Variants in SGCZ observed in about 807,000 individuals in gnomAD.
SGCZ encodes the protein sarcoglycan zeta.
SGCZ carries 40 observed loss-of-function variants against 41.3 expected under a neutral mutation model. That is an observed-to-expected ratio of 0.97 (90% confidence interval 0.75 to 1.26). SGCZ has a LOEUF of 1.26. Ranked by LOEUF, SGCZ falls within the 50% of genes most tolerant of loss-of-function variation. The probability of loss-of-function intolerance (pLI) is 0.00; values close to 1 mark genes in which losing one functional copy is unlikely to be tolerated. For synonymous variants in SGCZ, 206 were observed against 137.5 expected (o/e 1.50, Z -3.49); for missense variants, 552 against 369.8 (o/e 1.49, Z -4.04).
Position 14,468,333 on chromosome 8 carries a change from G to C in SGCZ, c.234+86399C>G, listed in dbSNP as rs141208066. Among the ~76,000 whole-genome samples, 3 of 152,042 alleles carry C rather than the reference G, an allele frequency of 2.0e-5. No individual in the cohort carries two copies. In the East Asian group the frequency reaches 5.8e-4, roughly 29 times the overall value. On this transcript the variant is annotated intron_variant, in intron 2 of 7. Transcript: ENST00000382080. The stretch of plus-strand genomic sequence containing the variant: ...ATGAAAATGACTACCCTTATCTTTA[G>C]AGCACAAGCATAAAGAAGTAAACTT...
intron 1 of SGCZ, among the ~76,000 whole-genome samples, chr8:15,018,863 G>C (rs1372169309): frequency 6.6e-6 from 1 of 152,194 alleles, no homozygotes; most frequent in Non-Finnish European, 1.5e-5. Context: ...GAGATCTCAG[G>C]AAACTTACAA....
At chr8:14,202,737 T>C (rs532366291) in intron 4 of SGCZ, among the ~76,000 whole-genome samples, 36 of 152,282 alleles carry the variant, frequency 2.4e-4, no homozygotes, top group African/African-American at 7.9e-4. Context: ...TGTGGGTGTT[T>C]ACAAAGTCAT....
chr8:14,246,816 A>T (rs1408086382), intron 3 of SGCZ, among the ~76,000 whole-genome samples: 1 of 148,762 alleles, frequency 6.7e-6, no homozygotes, highest in African/African-American at 2.5e-5. Flanking sequence ...AGGCTGAGGC[A>T]GTAGAATGGC....
chr8:15,023,950 G>T (rs1486315128), intron 1 of SGCZ, among the ~76,000 whole-genome samples: 1 of 152,190 alleles, frequency 6.6e-6, no homozygotes, highest in Non-Finnish European at 1.5e-5. Flanking sequence ...CAGTTAAATA[G>T]AAGATTATGG....
At chr8:14,422,381 T>C (rs1390088399) in intron 2 of SGCZ, among the ~76,000 whole-genome samples, 3 of 152,216 alleles carry the variant, frequency 2.0e-5, no homozygotes, top group Non-Finnish European at 4.4e-5. Context: ...GCTGACTTGA[T>C]AGACAAGACT....
chr8:14,257,403 G>T (rs1457840225), intron 3 of SGCZ, among the ~76,000 whole-genome samples: 1 of 151,378 alleles, frequency 6.6e-6, no homozygotes, highest in African/African-American at 2.4e-5. Context: ...ACCTAAACAG[G>T]TTTCCTCTTT....
chr8:14,699,959 T>C (rs1016920783), intron 1 of SGCZ, among the ~76,000 whole-genome samples: 1 of 151,942 alleles, frequency 6.6e-6, no homozygotes, highest in Non-Finnish European at 1.5e-5. Context: ...ACATAGCAGA[T>C]GTTGGCGAGG....
chr8:14,232,574 T>A (rs948073332), intron 4 of SGCZ, among the ~76,000 whole-genome samples: 5 of 151,980 alleles, frequency 3.3e-5, no homozygotes, highest in Non-Finnish European at 7.4e-5. Flanking sequence ...TACAATTTGG[T>A]TATGCCACTG....
intron 1 of SGCZ, among the ~76,000 whole-genome samples, chr8:14,923,024 T>G (rs901910229): frequency 2.0e-5 from 3 of 152,240 alleles, no homozygotes; most frequent in African/African-American, 7.2e-5. Flanking sequence ...TTGCCTTTGT[T>G]TTGCACACAT....
At chr8:14,383,778 C>G (rs926121758) in intron 2 of SGCZ, among the ~76,000 whole-genome samples, 2 of 152,118 alleles carry the variant, frequency 1.3e-5, no homozygotes, top group Admixed American at 1.3e-4. Context: ...GTTGTAAGAT[C>G]AGGGACTGTA....
chr8:14,313,066 A>G (rs887146217), intron 3 of SGCZ, among the ~76,000 whole-genome samples: 3 of 152,156 alleles, frequency 2.0e-5, no homozygotes, highest in South Asian at 2.1e-4. Flanking sequence ...ACGTTTTTTC[A>G]TGATACTCAG....
At chr8:14,645,551 G>A (rs1563175748) in intron 1 of SGCZ, among the ~76,000 whole-genome samples, 1 of 144,482 alleles carries the variant, frequency 6.9e-6, no homozygotes, top group South Asian at 2.1e-4. Flanking sequence ...TGTATATTAG[G>A]AACAAATAGA....
chr8:14,569,182 G>C (rs564993801), intron 1 of SGCZ, among the ~76,000 whole-genome samples: 2 of 152,086 alleles, frequency 1.3e-5, no homozygotes, highest in African/African-American at 4.8e-5. Flanking sequence ...ATAAAATTGA[G>C]CTATTTAGTC....
Position 15,186,082 on chromosome 8 carries a change from T to TA in SGCZ, c.39+51502dup, listed in dbSNP as rs1337221860. Among the ~76,000 whole-genome samples, 477 of 129,820 alleles carry TA rather than the reference T, an allele frequency of 3.7e-3. 3 individuals are homozygous for TA. Among genetic ancestry groups the TA allele is most frequent in the African/African-American group, 0.012 (459 of 36,938 alleles). 85.2% of individuals were successfully genotyped at this position (129,820 alleles called of 152,430 possible). A position where few individuals can be genotyped will look rare whatever the true frequency, so the allele number is the denominator to read the frequency against. ...ACTAAAAATAAAAAAAATAAATAAA[T>TA]AAAAAATAAATAAAAAAATAAAAAA... On this transcript the variant is annotated intron_variant, in intron 1 of 7. Coordinates refer to ENST00000382080, the MANE Select transcript of SGCZ (RefSeq NM_139167.4).
chr8:14,867,818 G>A, intron 1 of SGCZ, among the ~76,000 whole-genome samples: 1 of 151,744 alleles, frequency 6.6e-6, no homozygotes, highest in East Asian at 1.9e-4. Context: ...ATAGATACCA[G>A]GCTTAGTACC....
intron 5 of SGCZ, among the ~76,000 whole-genome samples, chr8:14,128,000 C>T (rs1287553283): frequency 6.6e-6 from 1 of 152,134 alleles, no homozygotes; most frequent in Non-Finnish European, 1.5e-5. Context: ...TTAGCTCCCA[C>T]TTATAAGTGA....
chr8:15,149,014 G>C (rs1799106641), intron 1 of SGCZ, among the ~76,000 whole-genome samples: 1 of 152,144 alleles, frequency 6.6e-6, no homozygotes, highest in African/African-American at 2.4e-5. Context: ...GAAAATCACA[G>C]GACACTACAC....
chr8:14,213,751 C>T (rs1805897048), intron 4 of SGCZ, among the ~76,000 whole-genome samples: 1 of 151,828 alleles, frequency 6.6e-6, no homozygotes, highest in Non-Finnish European at 1.5e-5. Context: ...ATACTTAAGA[C>T]TTAAATATTT....
intron 1 of SGCZ, among the ~76,000 whole-genome samples, chr8:14,594,590 T>C (rs1337791058): frequency 1.3e-5 from 2 of 150,494 alleles, no homozygotes; most frequent in African/African-American, 2.5e-5. Context: ...TTTATGTCTA[T>C]GGTCATGTTA....
Sources: gnomAD v4.1 joint callset for allele counts (sites outside exome capture counted in the v4.1 genomes callset) on GRCh38, gnomAD v4.1.1 for gene constraint, MANE v1.5 for transcripts, NCBI Gene and HGNC (gene_info 2026-07-23, HGNC 2026-07-21) for gene names.